CCDC74A: variants seen among roughly 807,000 people sequenced by gnomAD.
CCDC74A encodes the protein coiled-coil domain-containing protein 74A.
Under a neutral mutation model 37.6 loss-of-function variants are expected in CCDC74A, and 38 were observed. The observed-to-expected ratio is 1.01, with a 90% confidence interval of 0.78 to 1.33. CCDC74A has a LOEUF of 1.33. Ranked by LOEUF, CCDC74A falls within the 40% of genes most tolerant of loss-of-function variation. CCDC74A has a pLI of 0.00. For missense variants in CCDC74A, 340 were observed against 403.4 expected, an observed-to-expected ratio of 0.84 and a Z score of 1.35; for synonymous variants, 134 against 165.2, an observed-to-expected ratio of 0.81 and a Z score of 1.45.
At chr2:131,526,871 G>A (rs1680349728), upstream of CCDC74A, among the ~76,000 whole-genome samples, 1 of 152,088 alleles carries the variant, frequency 6.6e-6, no homozygotes, top group African/African-American at 2.4e-5. Flanking sequence ...GCTCTGAGAT[G>A]AGCAGTTCTT....
Position 131,527,905 on chromosome 2 carries a change from G to C in CCDC74A, c.-66G>C, listed in dbSNP as rs1459159429. The C allele has an allele frequency of 4.3e-6, 6 of 1,410,882 alleles. No homozygotes were observed. The African/African-American group carries it at 4.6e-5, about 11-fold the overall frequency. 87.4% of individuals were successfully genotyped at this position (1,410,882 alleles called of 1,614,324 possible). ...CGGTTTCCATGGTGACGGGGCGCCA[G>C]GCTAGGGCGGCCTGGCCACTGAGCC... is the stretch of plus-strand genomic sequence containing the variant. On this transcript the variant is annotated 5_prime_UTR_variant, in exon 1 of 8. Coordinates refer to ENST00000409856, the MANE Select transcript of CCDC74A (RefSeq NM_001258306.3).
chr2:131,525,016 C>T (rs1373234855), upstream of CCDC74A, among the ~76,000 whole-genome samples: 2 of 151,686 alleles, frequency 1.3e-5, no homozygotes, highest in South Asian at 2.1e-4. Context: ...GAGCTATAAT[C>T]GCACCACTGC....
At chr2:131,522,613 T>C in the CCDC74A span, among the ~76,000 whole-genome samples, 1 of 152,172 alleles carries the variant, frequency 6.6e-6, no homozygotes, top group Non-Finnish European at 1.5e-5. Context: ...CTTCAGGCTG[T>C]CCTGACACCA....
At chr2:131,529,042 C>T (rs560451110) in intron 1 of CCDC74A, 72 of 196,076 alleles carry the variant, frequency 3.7e-4, no homozygotes, top group South Asian at 2.0e-3. Flanking sequence ...CTCCCCCACC[C>T]CTCCTGCCCC....
At chr2:131,525,444 T>C (rs1200156210), upstream of CCDC74A, among the ~76,000 whole-genome samples, 3 of 152,016 alleles carry the variant, frequency 2.0e-5, no homozygotes, top group Non-Finnish European at 4.4e-5. Flanking sequence ...TCTCCAACTC[T>C]TGGGCTCAAG....
upstream of CCDC74A, among the ~76,000 whole-genome samples, chr2:131,523,089 A>G (rs1218887730): frequency 6.6e-6 from 1 of 152,120 alleles, no homozygotes; most frequent in African/African-American, 2.4e-5. Flanking sequence ...ATTTTTTTGT[A>G]GAGACGGGGT....
chr2:131,525,711 C>CTTTTTTTTTTTTTTTTTTTT (rs58721770), upstream of CCDC74A, among the ~76,000 whole-genome samples: 4 of 63,456 alleles, frequency 6.3e-5, no homozygotes, highest in African/African-American at 3.0e-4. Context: ...CTATGCCTGC[C>CTTTTTTTTTTTTTTTTTTTT]TTTTTTTTTT....
Position 131,533,382 on chromosome 2 carries a change from A to G in CCDC74A, c.923A>G (p.His308Arg), listed in dbSNP as rs778819258. 1.1e-5 allele frequency: 18 copies of G among 1,613,542 alleles called. 1 individual carries two copies. The highest frequency in any genetic ancestry group is 1.4e-5 in the Non-Finnish European group (17 of 1,179,988). ...CAGGCAATGCAGAAACGGCGCCTGC[A>G]TCGCTCAGTGCTTTGAGCCACCCCA... The part of the protein sequence containing the change: ...RLQAMQKRRL[H>R]RSVL Residue 308 changes from histidine (H) to arginine (R), a missense_variant, in exon 8 of 8, where the codon CAT (histidine) becomes CGT (arginine). This residue lies in a region of CCDC74A where 185 missense variants were observed against 231.5 expected (regional missense o/e 0.80). Coordinates refer to ENST00000409856, the MANE Select transcript of CCDC74A (RefSeq NM_001258306.3).
At chr2:131,527,030 ATTTTT>A (rs35146706), upstream of CCDC74A, among the ~76,000 whole-genome samples, 1 of 136,268 alleles carries the variant, frequency 7.3e-6, no homozygotes. Context: ...CCTGGCTGTG[ATTTTT>A]TTTTTTTTTT....
intron 2 of CCDC74A, chr2:131,530,030 T>C (rs1213416762): frequency 1.0e-5 from 16 of 1,550,328 alleles, no homozygotes; most frequent in East Asian, 2.4e-5. Context: ...TTGCCTCAGA[T>C]TGCTGCTGTG....
At chr2:131,529,467 C>T (rs1236876473) in intron 1 of CCDC74A, 180 bp from the exon 2 acceptor site, 2 of 815,256 alleles carry the variant, frequency 2.5e-6, no homozygotes, top group South Asian at 1.4e-5. Flanking sequence ...CAGGGCCATT[C>T]CTGGCCTGAC....
intron 2 of CCDC74A, 34 bp from the exon 3 acceptor site, chr2:131,530,743 G>A (rs1288980239): frequency 6.2e-7 from 1 of 1,613,036 alleles, no homozygotes; most frequent in Non-Finnish European, 8.5e-7. Flanking sequence ...GCGTCTTGCG[G>A]GCGGTAGCGC....
chr2:131,529,806 A>G (rs1223578266), intron 2 of CCDC74A, 115 bp downstream of exon 2: 1 of 1,551,966 alleles, frequency 6.4e-7, no homozygotes, highest in Non-Finnish European at 8.7e-7. Context: ...CCCAGTGGGT[A>G]CAGGTTCTGG....
chr2:131,528,837 C>T (rs1339362920), intron 1 of CCDC74A, among the ~76,000 whole-genome samples: 1 of 152,146 alleles, frequency 6.6e-6, no homozygotes, highest in Non-Finnish European at 1.5e-5. Flanking sequence ...AAACTTTATA[C>T]AGGGAAACGT....
chr2:131,529,714 A>C (rs967169781), intron 2 of CCDC74A, 23 bp downstream of exon 2: 15 of 1,612,316 alleles, frequency 9.3e-6, no homozygotes, highest in Admixed American at 5.0e-5. Flanking sequence ...CCCTTCAGTG[A>C]CTGATGGGAT....
At chr2:131,532,974 T>G (rs34466000) in intron 6 of CCDC74A, 37 bp downstream of exon 6, 363 of 1,613,260 alleles carry the variant, frequency 2.3e-4, no homozygotes, top group African/African-American at 7.7e-4. Flanking sequence ...ATCCCTGGGG[T>G]CCTATCCACA....
intron 7 of CCDC74A, 31 bp downstream of exon 7, chr2:131,533,100 C>A (rs757402189): frequency 1.9e-6 from 3 of 1,612,988 alleles, no homozygotes; most frequent in Non-Finnish European, 2.5e-6. Context: ...GACAGTGGGG[C>A]AGCCCTGCAG....
chr2:131,528,124 G>C lies in CCDC74A; in HGVS notation c.154G>C (p.Asp52His). 6.2e-7 allele frequency: 1 copy of C among 1,613,896 alleles called. No individual in the cohort carries two copies. The highest frequency in any genetic ancestry group is 8.5e-7 in the Non-Finnish European group (1 of 1,179,832). Residue 52 changes from aspartate (D) to histidine (H), a missense_variant, in exon 1 of 8, where the codon GAC becomes CAC. Physicochemically the swap from Asp to His is moderately conservative, Grantham distance 81. This residue lies in a region of CCDC74A where 154 missense variants were observed against 153.9 expected (regional missense o/e 1.00). Transcript: ENST00000409856. ...RQSDPQKRNL[D>H]LEKSLQFLQQ... ...GAGCGACCCGCAGAAACGGAACCTGGACCTGGAGAAAAGCCTGCAGTTCCT... is the reference window on the plus strand; with the variant it reads ...GAGCGACCCGCAGAAACGGAACCTGCACCTGGAGAAAAGCCTGCAGTTCCT...
intron 1 of CCDC74A, 113 bp downstream of exon 1, chr2:131,528,333 G>T: frequency 6.5e-7 from 1 of 1,548,098 alleles, no homozygotes; most frequent in Non-Finnish European, 8.7e-7. Flanking sequence ...TGGGCTCAGG[G>T]GGAACACAGG....
Sources: gnomAD v4.1 joint callset for allele counts (sites outside exome capture counted in the v4.1 genomes callset) on GRCh38, gnomAD v4.1.1 for gene constraint, gnomAD v4.1.1 regional missense constraint, MANE v1.5 for transcripts, NCBI Gene and HGNC (gene_info 2026-07-23, HGNC 2026-07-21) for gene names.